Variants in PRKN observed in about 807,000 individuals in gnomAD.
The protein encoded by PRKN is parkin RBR E3 ubiquitin protein ligase, also known as E3 ubiquitin-protein ligase parkin.
Under a neutral mutation model 59.5 loss-of-function variants are expected in PRKN, and 56 were observed. The ratio of observed to expected loss-of-function variants is 0.94; its 90% CI spans 0.76 to 1.18. The LOEUF (loss-of-function observed/expected upper bound fraction) is 1.18, where lower values mean the gene tolerates loss of function less well. Among genes scored for constraint, PRKN ranks in the 50% most tolerant of loss-of-function variants. The pLI is 0.00. For synonymous variants in PRKN, 250 were observed against 222.1 expected (o/e 1.13, Z -1.12); for missense variants, 657 against 596.4 (o/e 1.10, Z -1.06).
At chr6:162,183,672 A>G (rs1281571534) in intron 4 of PRKN, among the ~76,000 whole-genome samples, 3 of 152,188 alleles carry the variant, frequency 2.0e-5, no homozygotes, top group South Asian at 2.1e-4. Context: ...CTAGTCCCAG[A>G]TCTGATCTGT....
At chr6:161,834,521 C>T (rs1175307549) in intron 6 of PRKN, among the ~76,000 whole-genome samples, 2 of 152,190 alleles carry the variant, frequency 1.3e-5, no homozygotes, top group Admixed American at 6.5e-5. Flanking sequence ...ACTGATGCTC[C>T]GTTTGAATAA....
At chr6:162,274,820 G>A (rs1213914418) in intron 2 of PRKN, among the ~76,000 whole-genome samples, 1 of 152,142 alleles carries the variant, frequency 6.6e-6, no homozygotes, top group Admixed American at 6.6e-5. Flanking sequence ...AGTGGCTCAC[G>A]CCTGTAATCC....
intron 8 of PRKN, among the ~76,000 whole-genome samples, chr6:161,563,438 A>T (rs940327640): frequency 1.2e-4 from 18 of 152,312 alleles, no homozygotes; most frequent in Non-Finnish European, 1.6e-4. Flanking sequence ...TTGACTCCAG[A>T]CATCATACCT....
intron 1 of PRKN, among the ~76,000 whole-genome samples, chr6:162,642,940 G>A (rs1395298918): frequency 6.6e-6 from 1 of 152,084 alleles, no homozygotes; most frequent in Non-Finnish European, 1.5e-5. Flanking sequence ...TAGTATGATT[G>A]AAGAATATAG....
chr6:162,444,443 T>G (rs563664507), intron 1 of PRKN, among the ~76,000 whole-genome samples: 1 of 151,942 alleles, frequency 6.6e-6, no homozygotes, highest in Non-Finnish European at 1.5e-5. Flanking sequence ...ATTCCAGCAT[T>G]TTCTTCATTA....
intron 7 of PRKN, among the ~76,000 whole-genome samples, chr6:161,671,795 G>T (rs898995939): frequency 1.3e-5 from 2 of 152,208 alleles, no homozygotes; most frequent in Non-Finnish European, 1.5e-5. Context: ...AATAAACAAC[G>T]CTGTGTTCAT....
chr6:162,726,588 T>C (rs1779206351), intron 1 of PRKN, among the ~76,000 whole-genome samples: 1 of 152,224 alleles, frequency 6.6e-6, no homozygotes, highest in Admixed American at 6.5e-5. Flanking sequence ...ATGTTTACAT[T>C]TTAACAATAA....
At chr6:161,762,924 T>C (rs1188645966) in intron 7 of PRKN, among the ~76,000 whole-genome samples, 1 of 152,108 alleles carries the variant, frequency 6.6e-6, no homozygotes, top group Admixed American at 6.6e-5. Flanking sequence ...CAATAACATT[T>C]AAGTAGACAA....
At chr6:162,360,316 T>C (rs1199217521) in intron 2 of PRKN, among the ~76,000 whole-genome samples, 1 of 152,174 alleles carries the variant, frequency 6.6e-6, no homozygotes, top group Non-Finnish European at 1.5e-5. Context: ...CAACAATTCC[T>C]AATTTTTCTG....
At chr6:162,635,099 G>A (rs1393986405) in intron 1 of PRKN, among the ~76,000 whole-genome samples, 3 of 152,110 alleles carry the variant, frequency 2.0e-5, no homozygotes, top group Non-Finnish European at 4.4e-5. Flanking sequence ...TACTTGACTT[G>A]ATTTCTTCCT....
chr6:162,460,546 T>C (rs905779247), intron 1 of PRKN, among the ~76,000 whole-genome samples: 2 of 152,216 alleles, frequency 1.3e-5, no homozygotes, highest in African/African-American at 4.8e-5. Flanking sequence ...TAAAACTGTA[T>C]CTCCTCCGCT....
chr6:161,350,116 G>A lies in PRKN; in HGVS notation c.1381C>T (p.His461Tyr), dbSNP rs1305965991. 6.2e-7 allele frequency: 1 copy of A among 1,613,026 alleles called. No individual in the cohort carries two copies. The highest frequency in any genetic ancestry group is 1.7e-5 in the Admixed American group (1 of 60,022). The change falls in exon 12 of 12, where the codon CAC becomes TAC. Residue 461 changes from histidine (H) to tyrosine (Y), a missense_variant. By Grantham distance (83) the His-to-Tyr change is moderately conservative. Coordinates refer to ENST00000366898, the MANE Select transcript of PRKN (RefSeq NM_004562.3). ...CEWNRVCMGD[H>Y]WFDV ...CGCCCTGGCTACACGTCGAACCAGT[G>A]GTCCCCCATGCAGACGCGGTTCCAC...
chr6:161,977,279 T>C (rs2128253057), intron 5 of PRKN, among the ~76,000 whole-genome samples: 1 of 152,262 alleles, frequency 6.6e-6, no homozygotes, highest in Admixed American at 6.5e-5. Flanking sequence ...GAAAGAAGCA[T>C]GAGCATCATA....
At chr6:162,716,790 A>G (rs1053567689) in intron 1 of PRKN, among the ~76,000 whole-genome samples, 32 of 150,342 alleles carry the variant, frequency 2.1e-4, no homozygotes, top group African/African-American at 3.9e-4. Context: ...ACACGCGCAC[A>G]CACACACACA....
rs573941649 is a variant in PRKN, at chr6:162,537,756, T to G, written c.8-94283A>C. Among the ~76,000 whole-genome samples, 13 of 152,284 alleles carry G rather than the reference T, an allele frequency of 8.5e-5. No homozygotes were observed. In the South Asian group the frequency reaches 1.0e-3, roughly 12 times the overall value. On this transcript the variant is annotated intron_variant, in intron 1 of 11. Transcript: ENST00000366898. ...ATGTTTCCTCTTTCCCATCTCCTGT[T>G]CTCTCCACCAGCAGTGTCCATCTCC...
In PRKN at chr6:161,413,967, T is replaced by C. The variant is rs1002291026; in HGVS notation, c.1084-27090A>G. Among the ~76,000 whole-genome samples, 4 of 151,830 alleles carry C rather than the reference T, an allele frequency of 2.6e-5. 1 individual carries two copies. In the East Asian group the frequency reaches 5.8e-4, roughly 22 times the overall value. On this transcript the variant is annotated intron_variant, in intron 9 of 11. Transcript: ENST00000366898. This position sits in a 1 kb window ranked among gnomAD's most constrained non-coding sequence, Gnocchi z 4.4. ...GCGAGGCAGAGGTGGCAGAAAGAGA[T>C]GATAACTCCAGGAAGGAAGGGGTGC... is the stretch of plus-strand genomic sequence containing the variant.
chr6:161,777,787 A>ATATG (rs1790004344), intron 7 of PRKN, among the ~76,000 whole-genome samples: 1 of 126,156 alleles, frequency 7.9e-6, no homozygotes, highest in Non-Finnish European at 1.6e-5. Context: ...ATGTATATGT[A>ATATG]TATATGATAT....
chr6:162,245,862 A>G (rs1018682785), intron 3 of PRKN, among the ~76,000 whole-genome samples: 2 of 152,174 alleles, frequency 1.3e-5, no homozygotes, highest in African/African-American at 4.8e-5. Context: ...TTGTTGAATA[A>G]GAGACAACAG....
At chr6:162,021,461 A>ATATATATATAT (rs59250759) in intron 5 of PRKN, among the ~76,000 whole-genome samples, 3 of 24,650 alleles carry the variant, frequency 1.2e-4, no homozygotes, top group African/African-American at 2.7e-4. Flanking sequence ...ATATATATAT[A>ATATATATATAT]TTTTTTTTTT....
Sources: gnomAD v4.1 joint callset for allele counts (sites outside exome capture counted in the v4.1 genomes callset) on GRCh38, gnomAD v4.1.1 for gene constraint, Gnocchi (gnomAD v3.1) non-coding constraint, MANE v1.5 for transcripts, NCBI Gene and HGNC (gene_info 2026-07-23, HGNC 2026-07-21) for gene names.